The following APOL5 variants were observed in gnomAD, a reference collection of about 807,000 sequenced individuals.
The protein encoded by APOL5 is apolipoprotein L, 5.
A neutral mutation model predicts 35.5 loss-of-function variants in APOL5; 29 were observed. That is an observed-to-expected ratio of 0.82 (90% CI 0.61 to 1.11). APOL5 has a LOEUF of 1.11. Among genes scored for constraint, APOL5 ranks in the 50% most tolerant of loss-of-function variants. APOL5 has a pLI of 0.00. For missense variants in APOL5, 514 were observed against 530.4 expected, an observed-to-expected ratio of 0.97 and a Z score of 0.30; for synonymous variants, 188 against 200.2, an observed-to-expected ratio of 0.94 and a Z score of 0.51.
chr22:35,709,150 C>T, the APOL5 span, among the ~76,000 whole-genome samples: 9 of 152,032 alleles, frequency 5.9e-5, no homozygotes, highest in Non-Finnish European at 1.2e-4. Flanking sequence ...TTTTACTTAT[C>T]GAAGTGTCAA....
the APOL5 span, among the ~76,000 whole-genome samples, chr22:35,712,065 G>T: frequency 2.2e-4 from 34 of 152,094 alleles, no homozygotes; most frequent in African/African-American, 8.0e-4. Context: ...GGAGTGCAGT[G>T]GTGCTATCAT....
chr22:35,722,566 G>T (rs759815110), intron 2 of APOL5, among the ~76,000 whole-genome samples: 3 of 152,180 alleles, frequency 2.0e-5, no homozygotes, highest in Non-Finnish European at 4.4e-5. Flanking sequence ...CTCCCAAAGT[G>T]CTGGGATTAC....
chr22:35,729,000 G>C, intron 4 of APOL5, 96 bp downstream of exon 4: 2 of 1,327,604 alleles, frequency 1.5e-6, no homozygotes, highest in South Asian at 3.2e-5. Flanking sequence ...GAGAGGGAGG[G>C]CCTAACGGGG....
chr22:35,725,687 G>T (rs1274001544), intron 2 of APOL5, among the ~76,000 whole-genome samples: 1 of 152,142 alleles, frequency 6.6e-6, no homozygotes, highest in East Asian at 1.9e-4. Flanking sequence ...TTCCTGGGTA[G>T]AGGCCACAAG....
intron 2 of APOL5, among the ~76,000 whole-genome samples, chr22:35,720,871 G>A (rs868121277): frequency 5.3e-5 from 8 of 152,068 alleles, no homozygotes; most frequent in South Asian, 4.1e-4. Context: ...TCAGCCTCAC[G>A]AGTAGCTGGG....
chr22:35,724,098 C>T (rs999426910), intron 2 of APOL5, among the ~76,000 whole-genome samples: 1 of 151,580 alleles, frequency 6.6e-6, no homozygotes, highest in East Asian at 1.9e-4. Flanking sequence ...AATGTAGACT[C>T]TTTTACTAAT....
At chr22:35,711,541 C>T in the APOL5 span, among the ~76,000 whole-genome samples, 3 of 150,796 alleles carry the variant, frequency 2.0e-5, no homozygotes, top group Non-Finnish European at 4.4e-5. Context: ...TTATTTTCCA[C>T]TCCCACCGGC....
upstream of APOL5, among the ~76,000 whole-genome samples, chr22:35,717,235 A>AATATATATATATATATATATATATAT (rs1555930034): frequency 3.5e-5 from 2 of 57,654 alleles, no homozygotes; most frequent in Non-Finnish European, 6.2e-5. Context: ...AAAAAAAAAA[A>AATATATATATATATATATATATATAT]ATATATATAT....
intron 1 of APOL5, among the ~76,000 whole-genome samples, chr22:35,719,365 C>T (rs1428508008): frequency 6.6e-6 from 1 of 152,150 alleles, no homozygotes; most frequent in Non-Finnish European, 1.5e-5. Flanking sequence ...CTGGGTAAAA[C>T]CAACCACCAT....
chr22:35,708,727 C>T, the APOL5 span, among the ~76,000 whole-genome samples: 2 of 152,160 alleles, frequency 1.3e-5, no homozygotes, highest in South Asian at 4.1e-4. Flanking sequence ...TTATGCAACT[C>T]CCTTGAGTAG....
upstream of APOL5, among the ~76,000 whole-genome samples, chr22:35,717,034 G>T (rs1309171265): frequency 6.6e-6 from 1 of 150,692 alleles, no homozygotes; most frequent in African/African-American, 2.5e-5. Flanking sequence ...TCCGTGGTGG[G>T]TGTATTTCTA....
Position 35,720,569 on chromosome 22 carries a change from C to A in APOL5, c.57C>A (p.Gly19=), listed in dbSNP as rs1465246555. ...LQVPGSKVLP[G]LGEGCKEMWL... ...TCCCTGATCCTTGTCCATCTCCAGG[C>A]TTGGGAGAAGGTTGTAAAGAAATGT... Residue 19 remains glycine (G), a splice_region_variant and synonymous_variant, in exon 2 of 5, where the codon GGC becomes GGA. Coordinates refer to ENST00000249044, the MANE Select transcript of APOL5 (RefSeq NM_030642.1). 2 of 1,613,912 alleles carry A rather than the reference C, an allele frequency of 1.2e-6. No individual in the cohort carries two copies. Among genetic ancestry groups the A allele is most frequent in the South Asian group, 2.2e-5 (2 of 91,066 alleles).
chr22:35,722,821 G>A (rs926528572), intron 2 of APOL5, among the ~76,000 whole-genome samples: 5 of 152,168 alleles, frequency 3.3e-5, no homozygotes, highest in South Asian at 4.1e-4. Flanking sequence ...TGATTCTCCC[G>A]TGCTTTAGAC....
At chr22:35,711,156 A>T in the APOL5 span, among the ~76,000 whole-genome samples, 5 of 152,340 alleles carry the variant, frequency 3.3e-5, 1 homozygote, top group East Asian at 9.7e-4. Context: ...GGGCAACAAG[A>T]GTGAAACTCT....
chr22:35,714,565 G>T, upstream of APOL5, among the ~76,000 whole-genome samples: 1 of 152,200 alleles, frequency 6.6e-6, no homozygotes, highest in East Asian at 1.9e-4. Flanking sequence ...CTGGCTTGGG[G>T]CTGACTCTCC....
At chr22:35,717,235 A>ATATATAT (rs1555930035), upstream of APOL5, among the ~76,000 whole-genome samples, 32 of 57,664 alleles carry the variant, frequency 5.5e-4, 1 homozygote, top group African/African-American at 1.4e-3. Context: ...AAAAAAAAAA[A>ATATATAT]ATATATATAT....
rs371262071 is a variant in APOL5, at chr22:35,726,190, A to C, written c.143-21A>C. On this transcript the variant is annotated intron_variant, in intron 2 of 4. Coordinates refer to ENST00000249044, the MANE Select transcript of APOL5 (RefSeq NM_030642.1). ...GCCTCCTGCACACATTTTAGTGCTC[A>C]GATTGCCTAGATGTCTTTAGCCTCA... 5 of 1,594,516 alleles carry C rather than the reference A, an allele frequency of 3.1e-6. No homozygotes were observed. In the African/African-American group the frequency reaches 5.4e-5, roughly 17 times the overall value.
intron 1 of APOL5, among the ~76,000 whole-genome samples, chr22:35,718,434 A>T (rs1926837758): frequency 6.6e-6 from 1 of 152,064 alleles, no homozygotes; most frequent in African/African-American, 2.4e-5. Context: ...CCTGGCCAAC[A>T]TGGTGAAACC....
upstream of APOL5, among the ~76,000 whole-genome samples, chr22:35,716,856 G>A (rs753595150): frequency 1.3e-4 from 19 of 151,810 alleles, no homozygotes; most frequent in African/African-American, 2.4e-4. Flanking sequence ...GATTTGCCTC[G>A]TTCCTTTTCA....
Sources: gnomAD v4.1 joint callset for allele counts (sites outside exome capture counted in the v4.1 genomes callset) on GRCh38, gnomAD v4.1.1 for gene constraint, MANE v1.5 for transcripts, NCBI Gene and HGNC (gene_info 2026-07-23, HGNC 2026-07-21) for gene names.